Variants in EPG5 observed in about 807,000 individuals in gnomAD.
EPG5 encodes ectopic P-granules 5 autophagy tethering factor.
Under a neutral mutation model 302.7 loss-of-function variants are expected in EPG5, and 159 were observed. The observed-to-expected ratio is 0.53, with a 90% CI of 0.46 to 0.60. The LOEUF (loss-of-function observed/expected upper bound fraction) is 0.60. Ranked by LOEUF, EPG5 falls within the 20% of genes least tolerant of loss-of-function variation. The pLI is 0.00. For missense variants in EPG5, 2,896 were observed against 3,092.4 expected (o/e 0.94, Z 1.51); for synonymous variants, 1,158 against 1,136.8 (o/e 1.02, Z -0.37).
At chr18:45,887,340 C>G (rs139731516) in intron 29 of EPG5, among the ~76,000 whole-genome samples, 184 of 152,310 alleles carry the variant, frequency 1.2e-3, no homozygotes, top group African/African-American at 4.3e-3. Context: ...CACTCACCAG[C>G]TGAATTCTTT....
At chr18:45,929,033 A>C (rs748033638) in intron 12 of EPG5, 24 bp from the exon 13 acceptor site, 10 of 1,609,178 alleles carry the variant, frequency 6.2e-6, no homozygotes, top group Non-Finnish European at 8.5e-6. Context: ...AGGGGGAAGA[A>C]GATGGCACTT....
rs562599591 is a variant in EPG5 at position 45,934,763 on chromosome 18, A to C, written c.2257+46T>G. ...AAAATTAAGCCCTGAAGAGAAGCAC[A>C]AAAAGATAGGGAGAGCTGGACGCCG... On this transcript the variant is annotated intron_variant, in intron 11 of 43. Coordinates refer to ENST00000282041, the MANE Select transcript of EPG5 (RefSeq NM_020964.3). The C allele has an allele frequency of 5.1e-6, 8 of 1,555,050 alleles. No homozygotes were observed. The African/African-American group carries it at 1.1e-4, about 22-fold the overall frequency.
intron 39 of EPG5, among the ~76,000 whole-genome samples, chr18:45,861,278 C>T (rs2048628272): frequency 6.6e-6 from 1 of 152,198 alleles, no homozygotes; most frequent in Non-Finnish European, 1.5e-5. Context: ...GTATATCTGT[C>T]TATTTCTTCA....
chr18:45,870,138 T>G (rs999944895), intron 36 of EPG5, among the ~76,000 whole-genome samples: 2 of 152,278 alleles, frequency 1.3e-5, no homozygotes, highest in Non-Finnish European at 1.5e-5. Context: ...ATAATCAAAT[T>G]ATTCACTTGC....
chr18:45,953,045 C>T (rs1310271321), intron 2 of EPG5, among the ~76,000 whole-genome samples: 3 of 151,956 alleles, frequency 2.0e-5, no homozygotes, highest in Admixed American at 6.6e-5. Context: ...TGGTGGTGGG[C>T]GCCTATAATC....
At chr18:45,928,773 G>A in intron 13 of EPG5, 96 bp downstream of exon 13, 1 of 1,221,114 alleles carries the variant, frequency 8.2e-7, no homozygotes, top group East Asian at 2.4e-5. Context: ...TATACCCCTA[G>A]TGACAAGATC....
At chr18:45,914,802 G>A (rs1369363215) in intron 20 of EPG5, among the ~76,000 whole-genome samples, 1 of 152,156 alleles carries the variant, frequency 6.6e-6, no homozygotes, top group Non-Finnish European at 1.5e-5. Context: ...GTCTACTCCT[G>A]AGACAGTCCT....
the EPG5 span, among the ~76,000 whole-genome samples, chr18:45,804,221 T>G: frequency 6.6e-6 from 1 of 152,016 alleles, no homozygotes; most frequent in African/African-American, 2.4e-5. Context: ...AGTAGGTGAA[T>G]CTAAAGAGAG....
intron 34 of EPG5, among the ~76,000 whole-genome samples, 162 bp downstream of exon 34, chr18:45,878,214 A>G (rs2049013442): frequency 1.3e-5 from 2 of 152,230 alleles, no homozygotes; most frequent in South Asian, 4.1e-4. Context: ...CAATTCCATA[A>G]ATAGAAAATG....
chr18:45,914,058 A>G (rs985558928), intron 20 of EPG5, among the ~76,000 whole-genome samples: 1 of 152,242 alleles, frequency 6.6e-6, no homozygotes, highest in South Asian at 2.1e-4. Context: ...AGGCTACTTT[A>G]GTACAAGATG....
chr18:45,912,531 C>T, intron 21 of EPG5, 75 bp from the exon 22 acceptor site: 1 of 1,317,946 alleles, frequency 7.6e-7, no homozygotes, highest in Non-Finnish European at 1.0e-6. Context: ...CTAAGTGATC[C>T]AACTGAAACA....
intron 23 of EPG5, among the ~76,000 whole-genome samples, chr18:45,910,092 C>T (rs1477433455): frequency 6.6e-6 from 1 of 151,998 alleles, no homozygotes; most frequent in East Asian, 1.9e-4. Flanking sequence ...CTTAAGGGAT[C>T]CTCCCACCTC....
At chr18:45,874,990 G>A (rs1252349929) in intron 35 of EPG5, among the ~76,000 whole-genome samples, 1 of 152,180 alleles carries the variant, frequency 6.6e-6, no homozygotes, top group Non-Finnish European at 1.5e-5. Flanking sequence ...GTAGAATGGG[G>A]CAAAAGAGGA....
rs752347100 is a variant in EPG5, at chr18:45,955,097, G to C, written c.305C>G (p.Pro102Arg). ...TCTGGCCTCTCCCCCTTCCTTTGGG[G>C]GCTCTGTGTTACACGTCAGGGACTC... ...NEESLTCNTE[P>R]PKEGGEARPC... The change falls in exon 2 of 44, where the codon CCC becomes CGC. Residue 102 changes from proline to arginine, a missense_variant. Pro to Arg is a moderately radical substitution (Grantham distance 103). Transcript: ENST00000282041. 1 of 1,613,876 alleles carries C rather than the reference G, an allele frequency of 6.2e-7. No homozygotes were observed. Among genetic ancestry groups the C allele is most frequent in the South Asian group, 1.1e-5 (1 of 91,050 alleles).
intron 6 of EPG5, 96 bp downstream of exon 6, chr18:45,948,407 A>T: frequency 1.1e-6 from 1 of 938,792 alleles, no homozygotes; most frequent in Admixed American, 1.9e-5. Context: ...CACTTCCCTT[A>T]GCTGTTCTTC....
At chr18:45,892,694 A>G (rs2049379283) in intron 27 of EPG5, among the ~76,000 whole-genome samples, 1 of 152,236 alleles carries the variant, frequency 6.6e-6, no homozygotes, top group Non-Finnish European at 1.5e-5. Flanking sequence ...CACAGAAAGA[A>G]GCATGTCTCA....
rs896184223 is a variant in EPG5 at position 45,850,680 on chromosome 18, T to C, written c.*1787A>G. On this transcript the variant is annotated 3_prime_UTR_variant, in exon 44 of 44. Transcript: ENST00000282041. ...AGATAAATGATTTTATTTTTTATAA[T>C]TTTTACAGACCAAAAAACATTATAC... The C allele has an allele frequency of 2.0e-5, 3 of 152,680 alleles. No homozygotes were observed. Among genetic ancestry groups the C allele is most frequent in the South Asian group, 2.1e-4 (1 of 4,834 alleles). 9.5% of individuals were successfully genotyped at this position (152,680 alleles called of 1,614,324 possible).
At chr18:45,861,815 TAA>T (rs2048642527) in intron 39 of EPG5, among the ~76,000 whole-genome samples, 1 of 152,190 alleles carries the variant, frequency 6.6e-6, no homozygotes, top group African/African-American at 2.4e-5. Flanking sequence ...TTTTTTCTAC[TAA>T]GTTGTCTTTT....
Position 45,880,072 on chromosome 18 carries a change from C to T in EPG5, c.5667+3G>A. The T allele has an allele frequency of 1.3e-6, 2 of 1,572,740 alleles. No individual in the cohort carries two copies. Among genetic ancestry groups the T allele is most frequent in the Non-Finnish European group, 1.7e-6 (2 of 1,156,170 alleles). ...AACACGTCAGAGACCAAAGGCTACACACCTGCTTGTCTGACAAGAGAGCAT... is the reference window on the plus strand; with the variant it reads ...AACACGTCAGAGACCAAAGGCTACATACCTGCTTGTCTGACAAGAGAGCAT... On this transcript the variant is annotated splice_donor_region_variant and intron_variant, in intron 32 of 43. Transcript: ENST00000282041.
Sources: gnomAD v4.1 joint callset for allele counts (sites outside exome capture counted in the v4.1 genomes callset) on GRCh38, gnomAD v4.1.1 for gene constraint, MANE v1.5 for transcripts, NCBI Gene and HGNC (gene_info 2026-07-23, HGNC 2026-07-21) for gene names.